Variants in PIKFYVE observed in about 807,000 individuals in gnomAD.
The protein encoded by PIKFYVE is phosphoinositide kinase, FYVE-type zinc finger containing, also known as 1-phosphatidylinositol 3-phosphate 5-kinase.
PIKFYVE carries 122 observed loss-of-function variants against 257.9 expected under a neutral mutation model. That is an observed-to-expected ratio of 0.47 (90% CI 0.41 to 0.55). The LOEUF (loss-of-function observed/expected upper bound fraction) is 0.55, where lower values mean the gene tolerates loss of function less well. Among genes scored for constraint, PIKFYVE ranks in the 20% least tolerant of loss-of-function variants. PIKFYVE has a pLI of 0.00. For missense variants in PIKFYVE, 2,160 were observed against 2,536.6 expected, an observed-to-expected ratio of 0.85 and a Z score of 3.19; for synonymous variants, 892 against 868.9, an observed-to-expected ratio of 1.03 and a Z score of -0.47.
intron 7 of PIKFYVE, among the ~76,000 whole-genome samples, chr2:208,294,498 G>C (rs1037996754): frequency 6.6e-6 from 1 of 152,138 alleles, no homozygotes; most frequent in African/African-American, 2.4e-5. Flanking sequence ...TGCTGTACTG[G>C]GTAAAAGGAA....
At chr2:208,348,859 C>T (rs1048824410) in intron 35 of PIKFYVE, among the ~76,000 whole-genome samples, 5 of 151,542 alleles carry the variant, frequency 3.3e-5, no homozygotes, top group South Asian at 2.1e-4. Flanking sequence ...TGGGTTAGTC[C>T]GTGAATTAGT....
intron 34 of PIKFYVE, among the ~76,000 whole-genome samples, chr2:208,346,922 T>C (rs925556625): frequency 2.0e-5 from 3 of 152,220 alleles, no homozygotes; most frequent in African/African-American, 7.2e-5. Context: ...GCTGTTCTCT[T>C]TCATTAGGAA....
At chr2:208,282,698 C>G (rs567766081) in intron 5 of PIKFYVE, among the ~76,000 whole-genome samples, 1 of 152,320 alleles carries the variant, frequency 6.6e-6, no homozygotes, top group South Asian at 2.1e-4. Flanking sequence ...TTCACAGCAT[C>G]TCAGCTTGAC....
intron 16 of PIKFYVE, among the ~76,000 whole-genome samples, chr2:208,319,139 C>T (rs552014299): frequency 3.3e-5 from 5 of 152,140 alleles, no homozygotes; most frequent in Non-Finnish European, 5.9e-5. Context: ...TTTGTTACAG[C>T]AAGAGCTGAG....
intron 12 of PIKFYVE, among the ~76,000 whole-genome samples, chr2:208,307,227 T>A (rs1454674474): frequency 1.3e-5 from 2 of 152,220 alleles, no homozygotes; most frequent in Non-Finnish European, 2.9e-5. Flanking sequence ...ATGCCAAGGA[T>A]ATCTGAGAAA....
chr2:208,303,285 G>GCACACA (rs56245288), intron 10 of PIKFYVE, among the ~76,000 whole-genome samples: 1 of 149,340 alleles, frequency 6.7e-6, no homozygotes, highest in African/African-American at 2.5e-5. Flanking sequence ...ACACACACAG[G>GCACACA]CACACACACA....
intron 7 of PIKFYVE, among the ~76,000 whole-genome samples, chr2:208,295,256 C>T (rs1692823079): frequency 1.3e-5 from 2 of 152,160 alleles, no homozygotes; most frequent in Admixed American, 6.5e-5. Context: ...CGTGCTAGAC[C>T]AGAAGTAGAA....
At chr2:208,323,805 T>A (rs982610634) in intron 17 of PIKFYVE, among the ~76,000 whole-genome samples, 29 of 152,224 alleles carry the variant, frequency 1.9e-4, no homozygotes, top group Non-Finnish European at 3.2e-4. Flanking sequence ...TGCCATTCTA[T>A]CTGGTGTGAG....
chr2:208,326,393 A>T lies in PIKFYVE; in HGVS notation c.3582A>T (p.Arg1194Ser), dbSNP rs1342072611. 2 of 1,613,958 alleles carry T rather than the reference A, an allele frequency of 1.2e-6. No individual in the cohort carries two copies. Among genetic ancestry groups the T allele is most frequent in the Non-Finnish European group, 1.7e-6 (2 of 1,179,976 alleles). Reference sequence around the variant, plus strand: ...GCAAAAATGAGGGTGATGAAGAGAGAGGGCTTATTCTGAGTGATGCTGTGT... The same window carrying T: ...GCAAAAATGAGGGTGATGAAGAGAGTGGGCTTATTCTGAGTGATGCTGTGT... ...SGSKNEGDEE[R>S]GLILSDAVWS... The change falls in exon 20 of 42, where the codon AGA (arginine) becomes AGT (serine). Residue 1194 changes from arginine (R) to serine (S), a missense_variant. By Grantham distance (110) the Arg-to-Ser change is moderately radical. This residue lies in a region of PIKFYVE where 522 missense variants were observed against 514.6 expected (regional missense o/e 1.01). Coordinates refer to ENST00000264380, the MANE Select transcript of PIKFYVE (RefSeq NM_015040.4).
intron 2 of PIKFYVE, among the ~76,000 whole-genome samples, chr2:208,272,998 G>C (rs760873849): frequency 6.6e-6 from 1 of 152,066 alleles, no homozygotes; most frequent in Non-Finnish European, 1.5e-5. Context: ...TTTACCAGTT[G>C]TTCTTTTTAT....
intron 14 of PIKFYVE, among the ~76,000 whole-genome samples, chr2:208,314,940 TC>T (rs1695323375): frequency 6.6e-6 from 1 of 151,988 alleles, no homozygotes; most frequent in South Asian, 2.1e-4. Context: ...TGCTTGTCTG[TC>T]CCCATTTTAC....
In PIKFYVE at chr2:208,276,826, G is replaced by A; in HGVS notation, c.437G>A (p.Ser146Asn). 3 of 1,610,110 alleles carry A rather than the reference G, an allele frequency of 1.9e-6. No homozygotes were observed. The highest frequency in any genetic ancestry group is 2.6e-6 in the Non-Finnish European group (3 of 1,176,424). ...CTCAAGGAAATCATGGAGGGGAAAA[G>A]CCAGGTACTGTCTAGAGGCTTTGGA... ...KRLKEIMEGK[S>N]QDSDLKQYWM... Residue 146 changes from serine (S) to asparagine (N), a missense_variant, in exon 4 of 42, where the codon AGC becomes AAC. Coordinates refer to ENST00000264380, the MANE Select transcript of PIKFYVE (RefSeq NM_015040.4).
Position 208,358,563 on chromosome 2 carries a change from TC to T in PIKFYVE, c.*3259del. On this transcript the variant is annotated 3_prime_UTR_variant, in exon 42 of 42. Coordinates refer to ENST00000264380, the MANE Select transcript of PIKFYVE (RefSeq NM_015040.4). ...AATGACATTGTAAATCATAGTAGCC[TC>T]TTTTAATTTAATATGAAAAATGCCA... The T allele has an allele frequency of 6.5e-6, 1 of 152,748 alleles. No individual in the cohort carries two copies. The highest frequency in any genetic ancestry group is 1.9e-4 in the East Asian group (1 of 5,194). The allele number at this position is 152,748 out of a possible 1,614,324, so 9.5% of individuals were successfully genotyped here.
intron 39 of PIKFYVE, 22 bp from the exon 40 acceptor site, chr2:208,353,876 C>T (rs752591844): frequency 6.2e-7 from 1 of 1,612,970 alleles, no homozygotes. Flanking sequence ...ACATAAATGA[C>T]AAAGCATTTT....
rs1401834991 is a variant in PIKFYVE at position 208,320,252 on chromosome 2, A to G, written c.2083A>G (p.Met695Val). Residue 695 changes from methionine to valine, a missense_variant and splice_region_variant, in exon 17 of 42, where the codon ATG (methionine) becomes GTG (valine). Transcript: ENST00000264380. ...TTAACAAACTGTTCATTTTTTGTAG[A>G]TGAGTTCTTGTATTAAAAACCCCAA... ...VCTKNIAHKK[M>V]SSCIKNPKIL... 6 of 1,610,056 alleles carry G rather than the reference A, an allele frequency of 3.7e-6. No individual in the cohort carries two copies. The Admixed American group carries it at 5.0e-5, about 13-fold the overall frequency.
intron 12 of PIKFYVE, among the ~76,000 whole-genome samples, chr2:208,307,285 G>C (rs1694439141): frequency 6.6e-6 from 1 of 152,172 alleles, no homozygotes; most frequent in Non-Finnish European, 1.5e-5. Context: ...ATTTGGGAAA[G>C]TTTATGTAAT....
intron 17 of PIKFYVE, among the ~76,000 whole-genome samples, chr2:208,323,819 G>A (rs1409718191): frequency 1.3e-5 from 2 of 152,250 alleles, no homozygotes; most frequent in East Asian, 3.9e-4. Context: ...GTGTGAGATG[G>A]TATCTCATTG....
At chr2:208,326,461 C>T (rs370715893) in intron 20 of PIKFYVE, 32 bp downstream of exon 20, 1 of 1,600,642 alleles carries the variant, frequency 6.2e-7, no homozygotes, top group Non-Finnish European at 8.6e-7. Context: ...TGCTCCTGTG[C>T]ATTTAGGATG....
intron 1 of PIKFYVE, chr2:208,269,668 T>G (rs1433373361): frequency 4.0e-6 from 1 of 252,538 alleles, no homozygotes; most frequent in Non-Finnish European, 8.3e-6. Context: ...GAGGTTCTGG[T>G]CCAGGGCCCC....
Sources: gnomAD v4.1 joint callset for allele counts (sites outside exome capture counted in the v4.1 genomes callset) on GRCh38, gnomAD v4.1.1 for gene constraint, gnomAD v4.1.1 regional missense constraint, MANE v1.5 for transcripts, NCBI Gene and HGNC (gene_info 2026-07-23, HGNC 2026-07-21) for gene names.